The following DNAJC25 variants were observed in gnomAD, a reference collection of about 807,000 sequenced individuals.
DNAJC25 encodes dnaJ homolog subfamily C member 25.
Under a neutral mutation model 42.1 loss-of-function variants are expected in DNAJC25, and 26 were observed. The observed-to-expected ratio is 0.62, with a 90% CI of 0.45 to 0.86. The LOEUF is 0.86. Ranked by LOEUF, DNAJC25 falls within the 40% of genes least tolerant of loss-of-function variation. DNAJC25 has a pLI of 0.00. For missense variants in DNAJC25, 404 were observed against 459.4 expected (o/e 0.88, Z 1.10); for synonymous variants, 189 against 179.9 (o/e 1.05, Z -0.40).
intron 3 of DNAJC25, among the ~76,000 whole-genome samples, chr9:111,651,846 C>CAAAA: frequency 1.1e-5 from 1 of 93,000 alleles, no homozygotes. Flanking sequence ...GACCCCATCT[C>CAAAA]AAAAAAAAAA....
chr9:111,649,791 A>C lies in DNAJC25; in HGVS notation c.828A>C (p.Glu276Asp), dbSNP rs1383700050. ...WIYNFNIKGK[E>D]YGEEERLYII... The stretch of plus-strand genomic sequence containing the variant: ...ATAATTTTAACATCAAAGGCAAAGA[A>C]TATGGAGAGGAAGAGAGATTATACA... Residue 276 changes from glutamate to aspartate, a missense_variant, in exon 3 of 4, where the codon GAA (glutamate) becomes GAC (aspartate). Coordinates refer to ENST00000313525, the MANE Select transcript of DNAJC25 (RefSeq NM_001015882.3). The C allele has an allele frequency of 1.9e-6, 3 of 1,613,938 alleles. No individual in the cohort carries two copies. The African/African-American group carries it at 4.0e-5, about 22-fold the overall frequency.
At chr9:111,637,172 A>G (rs753446103) in intron 1 of DNAJC25, among the ~76,000 whole-genome samples, 89 of 152,306 alleles carry the variant, frequency 5.8e-4, no homozygotes, top group Non-Finnish European at 1.1e-3. Flanking sequence ...ACTGTTTTTC[A>G]TAGACTTTAG....
At chr9:111,650,014 C>G in intron 3 of DNAJC25, 91 bp downstream of exon 3, 1 of 1,193,190 alleles carries the variant, frequency 8.4e-7, no homozygotes, top group Non-Finnish European at 1.1e-6. Flanking sequence ...GAAGTGTGCT[C>G]ACATTTCTGA....
At chr9:111,633,668 G>C (rs1480506304) in intron 1 of DNAJC25, among the ~76,000 whole-genome samples, 1 of 152,158 alleles carries the variant, frequency 6.6e-6, no homozygotes, top group East Asian at 1.9e-4. Context: ...TGGTGAGCAT[G>C]TTGGTAAGAA....
intron 3 of DNAJC25, among the ~76,000 whole-genome samples, chr9:111,651,707 C>T (rs561649036): frequency 8.6e-5 from 13 of 151,776 alleles, no homozygotes; most frequent in South Asian, 4.2e-4. Context: ...GGCAACATGG[C>T]GAAACCCTGT....
chr9:111,647,865 G>A (rs1013500935), intron 2 of DNAJC25, among the ~76,000 whole-genome samples: 8 of 152,230 alleles, frequency 5.3e-5, no homozygotes, highest in African/African-American at 1.9e-4. Context: ...TGCAACCTCC[G>A]CCTCCTGGGT....
rs1400943030 is a variant in DNAJC25, at chr9:111,649,862, T to C, written c.899T>C (p.Leu300Pro). 6.2e-7 allele frequency: 1 copy of C among 1,604,370 alleles called. No individual in the cohort carries two copies. The highest frequency in any genetic ancestry group is 1.1e-5 in the South Asian group (1 of 89,024). The stretch of plus-strand genomic sequence containing the variant: ...ATGTCAAAGTCTCAATTTGATAGTC[T>C]AGAAGATCATCAGAAAGAAACTTTT... ...MKMSKSQFDS[L>P]EDHQKETFLK... Residue 300 changes from leucine (L) to proline (P), a missense_variant, in exon 3 of 4, where the codon CTA becomes CCA. Leu to Pro is a moderately conservative substitution (Grantham distance 98). Coordinates refer to ENST00000313525, the MANE Select transcript of DNAJC25 (RefSeq NM_001015882.3).
intron 1 of DNAJC25, among the ~76,000 whole-genome samples, chr9:111,641,015 G>C (rs376219799): frequency 0.08 from 2,191 of 27,374 alleles, 192 homozygotes; most frequent in Admixed American, 0.31. Flanking sequence ...GGTCAGCCCC[G>C]CGCCCGGCCA....
chr9:111,633,759 G>C (rs1157536811), intron 1 of DNAJC25, among the ~76,000 whole-genome samples: 1 of 152,180 alleles, frequency 6.6e-6, no homozygotes, highest in Non-Finnish European at 1.5e-5. Flanking sequence ...AGGAGAGACT[G>C]ATCAGTGCCC....
chr9:111,646,987 A>G, intron 1 of DNAJC25, 120 bp from the exon 2 acceptor site: 5 of 1,155,202 alleles, frequency 4.3e-6, no homozygotes, highest in Non-Finnish European at 4.5e-6. Flanking sequence ...TGACAATTTC[A>G]GTATTTTTAC....
chr9:111,631,859 C>T, intron 1 of DNAJC25, 116 bp downstream of exon 1: 1 of 1,393,020 alleles, frequency 7.2e-7, no homozygotes, highest in Non-Finnish European at 9.2e-7. Flanking sequence ...AGCACAGCCA[C>T]CACCGCGACC....
intron 1 of DNAJC25, among the ~76,000 whole-genome samples, chr9:111,632,557 A>G (rs1183900873): frequency 1.3e-5 from 2 of 152,204 alleles, no homozygotes; most frequent in African/African-American, 4.8e-5. Context: ...GTTTTCTTCT[A>G]CTACTGCAAA....
intron 3 of DNAJC25, 75 bp from the exon 4 acceptor site, chr9:111,653,025 T>A (rs1234201641): frequency 7.2e-7 from 1 of 1,386,486 alleles, no homozygotes; most frequent in Non-Finnish European, 9.4e-7. Flanking sequence ...GTTAGAAAAA[T>A]GTAAATATGC....
intron 1 of DNAJC25, among the ~76,000 whole-genome samples, chr9:111,633,477 CT>C (rs1054941233): frequency 5.9e-5 from 9 of 152,090 alleles, no homozygotes; most frequent in African/African-American, 2.2e-4. Flanking sequence ...GTGTGTTTGA[CT>C]TTTGGGGATT....
chr9:111,654,124 CT>C lies in DNAJC25; in HGVS notation c.*903del, dbSNP rs770978590. Reference sequence around the variant, plus strand: ...AAATCCGTTGTACATGAGAACATTTCTATGCATTTAAGCCAGAAACGAGGTA... The same window carrying C: ...AAATCCGTTGTACATGAGAACATTTCATGCATTTAAGCCAGAAACGAGGTA... On this transcript the variant is annotated 3_prime_UTR_variant, in exon 4 of 4. Transcript: ENST00000313525. 4 of 152,044 alleles carry C rather than the reference CT, an allele frequency of 2.6e-5. No individual in the cohort carries two copies. Among genetic ancestry groups the C allele is most frequent in the African/African-American group, 4.8e-5 (2 of 41,376 alleles). The allele number at this position is 152,044 out of a possible 1,614,324, so 9.4% of individuals were successfully genotyped here. A position where few individuals can be genotyped will look rare whatever the true frequency, so the allele number is the denominator to read the frequency against.
intron 2 of DNAJC25, 68 bp from the exon 3 acceptor site, chr9:111,649,385 A>G (rs1830614499): frequency 1.4e-5 from 20 of 1,463,772 alleles, no homozygotes; most frequent in Admixed American, 5.6e-5. Flanking sequence ...CCGAGACTCT[A>G]TCATTCCTTT....
intron 2 of DNAJC25, among the ~76,000 whole-genome samples, chr9:111,648,641 T>C (rs1310984322): frequency 5.3e-5 from 8 of 152,332 alleles, no homozygotes; most frequent in Middle Eastern, 6.8e-3. Flanking sequence ...TCAGCATTTG[T>C]AGAACGATTT....
intron 1 of DNAJC25, among the ~76,000 whole-genome samples, chr9:111,643,834 C>T (rs1448904105): frequency 6.6e-6 from 1 of 151,874 alleles, no homozygotes; most frequent in Non-Finnish European, 1.5e-5. Flanking sequence ...AAGGATGGTC[C>T]TTCTTATTAT....
chr9:111,646,940 A>T, intron 1 of DNAJC25, 167 bp from the exon 2 acceptor site: 1 of 644,398 alleles, frequency 1.6e-6, no homozygotes, highest in Non-Finnish European at 2.3e-6. Context: ...CTGAAAATTT[A>T]CATGGCTTTG....
Sources: allele counts gnomAD v4.1 joint callset (sites outside exome capture counted in the v4.1 genomes callset), GRCh38; gene constraint gnomAD v4.1.1; transcripts MANE v1.5; gene names NCBI Gene and HGNC (gene_info 2026-07-23, HGNC 2026-07-21).